Variants in DNASE1 observed in about 807,000 individuals in gnomAD.
The protein encoded by DNASE1 is deoxyribonuclease-1.
A neutral mutation model predicts 33.9 loss-of-function variants in DNASE1; 40 were observed. That is an observed-to-expected ratio of 1.18 (90% CI 0.92 to 1.54). The LOEUF (loss-of-function observed/expected upper bound fraction) is 1.54, where lower values mean the gene tolerates loss of function less well. Among genes scored for constraint, DNASE1 ranks in the 40% most tolerant of loss-of-function variants. The probability of loss-of-function intolerance (pLI) is 0.00; values close to 1 mark genes in which losing one functional copy is unlikely to be tolerated. For synonymous variants in DNASE1, 216 were observed against 160.0 expected (o/e 1.35, Z -2.64); for missense variants, 518 against 372.6 (o/e 1.39, Z -3.21).
At position 3,633,869 on chromosome 16, in the gene DNASE1, C is replaced by T. The variant is rs972186597; in HGVS notation, c.-1358-6846C>T. 1.1e-4 allele frequency among the ~76,000 whole-genome samples: 16 copies of T among 152,092 alleles called. No homozygotes were observed. In the East Asian group the frequency reaches 2.9e-3, roughly 28 times the overall value. Reference sequence around the variant, plus strand: ...TGTCGCCCAGGCTGAAGTGCGGTGGCTCGATCTCGGCTCACTGCAAGCTCT... The same window carrying T: ...TGTCGCCCAGGCTGAAGTGCGGTGGTTCGATCTCGGCTCACTGCAAGCTCT... On this transcript the variant is annotated intron_variant and NMD_transcript_variant, in intron 1 of 11. Transcript: ENST00000570769.
chr16:3,632,106 C>A (rs948604973), intron 1 of DNASE1, among the ~76,000 whole-genome samples: 1 of 152,156 alleles, frequency 6.6e-6, no homozygotes, highest in East Asian at 1.9e-4. Flanking sequence ...ATGCATTAGT[C>A]TGCTAAGGCG....
At chr16:3,662,338 G>C (rs571706872), downstream of DNASE1, 273 of 657,370 alleles carry the variant, frequency 4.2e-4, no homozygotes, top group Non-Finnish European at 6.5e-4. Context: ...TGTGCCCGAG[G>C]GGCTCCACCA....
chr16:3,619,010 G>C (rs907675641), intron 1 of DNASE1, among the ~76,000 whole-genome samples: 1 of 151,694 alleles, frequency 6.6e-6, no homozygotes, highest in Non-Finnish European at 1.5e-5. Context: ...CAGCCTACCT[G>C]TAGCTAGAGC....
In DNASE1 at chr16:3,654,915, T is replaced by G. The variant is rs889262843; in HGVS notation, c.-131T>G. 2.2e-5 allele frequency: 10 copies of G among 449,446 alleles called. No homozygotes were observed. The highest frequency in any genetic ancestry group is 7.7e-5 in the Admixed American group (2 of 25,938). 27.8% of individuals were successfully genotyped at this position (449,446 alleles called of 1,614,324 possible). A position where few individuals can be genotyped will look rare whatever the true frequency, so the allele number is the denominator to read the frequency against. ...AGCACTGCCAGGGCCTTGAAGTGCTTCTTCAGAGACCTTTCTTCATAGACT... is the reference window on the plus strand; with the variant it reads ...AGCACTGCCAGGGCCTTGAAGTGCTGCTTCAGAGACCTTTCTTCATAGACT... On this transcript the variant is annotated 5_prime_UTR_variant, in exon 1 of 9. Transcript: ENST00000246949.
chr16:3,637,576 C>G (rs1480157738), intron 1 of DNASE1, among the ~76,000 whole-genome samples: 2 of 152,186 alleles, frequency 1.3e-5, no homozygotes, highest in Non-Finnish European at 2.9e-5. Context: ...TTGGGTCAAC[C>G]TTTCCCTTAG....
Position 3,613,908 on chromosome 16 carries a change from A to ATT in DNASE1, c.-1359+1924_-1359+1925dup, listed in dbSNP as rs200976238. Among the ~76,000 whole-genome samples the ATT allele has an allele frequency of 5.2e-3, 588 of 113,068 alleles. 8 individuals carry two copies. Among genetic ancestry groups the ATT allele is most frequent in the African/African-American group, 0.015 (412 of 26,732 alleles). 74.2% of individuals were successfully genotyped at this position (113,068 alleles called of 152,430 possible). On this transcript the variant is annotated intron_variant and NMD_transcript_variant, in intron 1 of 11. Coordinates refer to the DNASE1 transcript ENST00000570769. ...AGGCGCCCGCAACCGCGCCTGGCTA[A>ATT]TTTTTTTTTTTTTTTTTTTTTTTGG...
chr16:3,642,101 C>T (rs141641523), upstream of DNASE1, among the ~76,000 whole-genome samples: 8 of 152,242 alleles, frequency 5.3e-5, no homozygotes, highest in African/African-American at 1.9e-4. Flanking sequence ...CTGCTGGGCT[C>T]GGGGTGGGAG....
At chr16:3,656,526 G>A (rs1567210463) in intron 4 of DNASE1, 112 bp from the exon 5 acceptor site, 3 of 752,906 alleles carry the variant, frequency 4.0e-6, no homozygotes, top group Non-Finnish European at 4.6e-6. Context: ...TTGAGCAGGT[G>A]CCTGGCTCCC....
In DNASE1 at chr16:3,634,123, T is replaced by C. The variant is rs371544516; in HGVS notation, c.-1358-6592T>C. ...CCGCACCTGGCCATAAGTGAAATTA[T>C]TGACAGCAATATCATAAGGGACAGT... On this transcript the variant is annotated intron_variant and NMD_transcript_variant, in intron 1 of 11. Transcript: ENST00000570769. 1.6e-3 allele frequency among the ~76,000 whole-genome samples: 236 copies of C among 151,798 alleles called. 1 individual carries two copies. Among genetic ancestry groups the C allele is most frequent in the South Asian group, 0.011 (53 of 4,788 alleles).
intron 1 of DNASE1, among the ~76,000 whole-genome samples, chr16:3,635,373 G>C (rs2041837220): frequency 6.7e-6 from 1 of 148,904 alleles, no homozygotes; most frequent in African/African-American, 2.5e-5. Context: ...CAGGAGAATT[G>C]CTTGAACCTG....
intron 1 of DNASE1, among the ~76,000 whole-genome samples, chr16:3,632,420 T>C (rs2041727931): frequency 6.6e-6 from 1 of 152,202 alleles, no homozygotes; most frequent in African/African-American, 2.4e-5. Flanking sequence ...ATAAGGTTTG[T>C]TACCTCATCT....
rs2151216733 is a variant in DNASE1, at chr16:3,655,738, T to C, written c.148-111T>C. On this transcript the variant is annotated intron_variant, in intron 2 of 8. Transcript: ENST00000246949. ...AGGAGCCCAGGCAGAAACATGAGGC[T>C]GCGGTTAAACCGAGCAATGCCACGA... is the stretch of plus-strand genomic sequence containing the variant. 7.5e-6 allele frequency: 11 copies of C among 1,461,746 alleles called. No individual in the cohort carries two copies. In the South Asian group the frequency reaches 1.3e-4, roughly 17 times the overall value. 90.5% of individuals were successfully genotyped at this position (1,461,746 alleles called of 1,614,324 possible). A position where few individuals can be genotyped will look rare whatever the true frequency, so the allele number is the denominator to read the frequency against.
At chr16:3,650,705 T>G (rs1157725247), upstream of DNASE1, 1 of 152,058 alleles carries the variant, frequency 6.6e-6, no homozygotes, top group Non-Finnish European at 1.5e-5. Context: ...CAACTTATAG[T>G]GGATGTCTAG....
At chr16:3,620,625 CT>C (rs2041273549) in intron 1 of DNASE1, among the ~76,000 whole-genome samples, 2 of 151,986 alleles carry the variant, frequency 1.3e-5, no homozygotes, top group Admixed American at 6.6e-5. Context: ...AAACATTCCC[CT>C]GTTGATAAAG....
At chr16:3,644,534 G>A (rs1474038716) in intron 1 of DNASE1, among the ~76,000 whole-genome samples, 2 of 152,202 alleles carry the variant, frequency 1.3e-5, no homozygotes, top group Non-Finnish European at 2.9e-5. Context: ...CTGCACTCCA[G>A]CCTGGGCAAC....
intron 1 of DNASE1, among the ~76,000 whole-genome samples, chr16:3,645,541 G>C (rs2042147899): frequency 6.6e-6 from 1 of 152,244 alleles, no homozygotes; most frequent in African/African-American, 2.4e-5. Flanking sequence ...CCTCAAAGCA[G>C]AATGCAGAAA....
intron 1 of DNASE1, among the ~76,000 whole-genome samples, chr16:3,617,082 C>G (rs574374791): frequency 8.5e-5 from 13 of 152,130 alleles, no homozygotes; most frequent in Non-Finnish European, 1.6e-4. Context: ...TGGCTCACCC[C>G]TGTAATCCCA....
At chr16:3,642,208 G>C (rs1045645673), upstream of DNASE1, among the ~76,000 whole-genome samples, 2 of 152,340 alleles carry the variant, frequency 1.3e-5, no homozygotes. Context: ...GCGTGGAATG[G>C]TTCTGAGTTC....
At chr16:3,631,086 A>ATG in intron 1 of DNASE1, among the ~76,000 whole-genome samples, 1 of 150,694 alleles carries the variant, frequency 6.6e-6, no homozygotes, top group South Asian at 2.1e-4. Context: ...GCAGTGGTGC[A>ATG]ATCTTGGCTC....
Sources: allele counts gnomAD v4.1 joint callset (sites outside exome capture counted in the v4.1 genomes callset), GRCh38; gene constraint gnomAD v4.1.1; transcripts MANE v1.5; gene names NCBI Gene and HGNC (gene_info 2026-07-23, HGNC 2026-07-21).